Variants in MRAP2 observed in about 807,000 individuals in gnomAD.
MRAP2 encodes the protein melanocortin-2 receptor accessory protein 2.
In MRAP2, 20 loss-of-function variants were observed where a neutral mutation model predicts 17.4. That is an observed-to-expected ratio of 1.15 (90% confidence interval 0.81 to 1.67). The LOEUF is 1.67. Ranked by LOEUF, MRAP2 falls within the 40% of genes most tolerant of loss-of-function variation. The probability of loss-of-function intolerance (pLI) is 0.00; values close to 1 mark genes in which losing one functional copy is unlikely to be tolerated. For synonymous variants in MRAP2, 96 were observed against 88.4 expected, an observed-to-expected ratio of 1.09 and a Z score of -0.48; for missense variants, 238 against 240.0, an observed-to-expected ratio of 0.99 and a Z score of 0.05.
At chr6:84,087,879 TCC>T (rs535662142) in intron 3 of MRAP2, among the ~76,000 whole-genome samples, 286 of 152,334 alleles carry the variant, frequency 1.9e-3, no homozygotes, top group Non-Finnish European at 3.2e-3. Context: ...ATATTAAAAT[TCC>T]TTCAGCTAGC....
intron 3 of MRAP2, among the ~76,000 whole-genome samples, chr6:84,073,312 C>T (rs1317971864): frequency 1.3e-5 from 2 of 152,290 alleles, no homozygotes; most frequent in East Asian, 1.9e-4. Flanking sequence ...TGACTCAGCT[C>T]CAGGTATGGT....
chr6:84,081,042 T>C (rs2099498831), intron 3 of MRAP2, among the ~76,000 whole-genome samples: 1 of 152,062 alleles, frequency 6.6e-6, no homozygotes, highest in Non-Finnish European at 1.5e-5. Flanking sequence ...ATCCCATGGG[T>C]GGGTTGAATT....
upstream of MRAP2, chr6:84,033,622 C>A: frequency 1.1e-6 from 1 of 938,092 alleles, no homozygotes; most frequent in Non-Finnish European, 1.3e-6. Context: ...GCAAAGCTCA[C>A]CTCCTCTTGG....
chr6:84,085,172 A>G (rs1397609999), intron 3 of MRAP2, among the ~76,000 whole-genome samples: 1 of 151,486 alleles, frequency 6.6e-6, no homozygotes, highest in Non-Finnish European at 1.5e-5. Context: ...CTCCTGCCTC[A>G]GCCTCCCAAG....
downstream of MRAP2, among the ~76,000 whole-genome samples, chr6:84,094,200 C>T (rs2099502275): frequency 6.6e-6 from 1 of 152,096 alleles, no homozygotes; most frequent in Admixed American, 6.6e-5. Flanking sequence ...TCAGAGAGCC[C>T]CCCGTGTGAT....
chr6:84,039,427 A>G (rs1404489687), intron 1 of MRAP2, among the ~76,000 whole-genome samples: 1 of 152,204 alleles, frequency 6.6e-6, no homozygotes, highest in Non-Finnish European at 1.5e-5. Flanking sequence ...TGACTGGAGT[A>G]TGAGAAGTGC....
rs2099488656 is a variant in MRAP2 at position 84,045,190 on chromosome 6, G to A, written c.-7-10122G>A. The stretch of plus-strand genomic sequence containing the variant: ...GGAACCAAGCCCCCACAGATGCTAA[G>A]GAATGACTTTATATATATACACAAT... On this transcript the variant is annotated intron_variant, in intron 1 of 3. Coordinates refer to ENST00000257776, the MANE Select transcript of MRAP2 (RefSeq NM_138409.4). 4 of 985,118 alleles carry A rather than the reference G, an allele frequency of 4.1e-6. No individual in the cohort carries two copies. In the South Asian group the frequency reaches 1.9e-4, roughly 46 times the overall value. The allele number at this position is 985,118 out of a possible 1,614,324, so 61.0% of individuals were successfully genotyped here.
At chr6:84,041,366 C>T (rs183509381) in intron 1 of MRAP2, among the ~76,000 whole-genome samples, 39 of 152,312 alleles carry the variant, frequency 2.6e-4, no homozygotes, top group Admixed American at 3.9e-4. Context: ...GTTAGGGCAA[C>T]GCAGAAAGGG....
chr6:84,036,675 G>A (rs772796918), intron 1 of MRAP2, among the ~76,000 whole-genome samples: 20 of 152,204 alleles, frequency 1.3e-4, no homozygotes, highest in East Asian at 3.9e-4. Flanking sequence ...GGACCTGAGC[G>A]CCTTACCACT....
the MRAP2 span, among the ~76,000 whole-genome samples, chr6:84,142,104 T>C: frequency 2.0e-5 from 3 of 152,162 alleles, no homozygotes; most frequent in African/African-American, 7.2e-5. Context: ...AGTTTGTTTT[T>C]GTTTTTTTAA....
chr6:84,052,142 T>A (rs574037655), intron 1 of MRAP2, among the ~76,000 whole-genome samples: 1 of 152,204 alleles, frequency 6.6e-6, no homozygotes, highest in South Asian at 2.1e-4. Flanking sequence ...TTCATGACTC[T>A]AATTTTATGA....
the MRAP2 span, among the ~76,000 whole-genome samples, chr6:84,142,043 C>T: frequency 6.6e-6 from 1 of 152,090 alleles, no homozygotes; most frequent in Non-Finnish European, 1.5e-5. Flanking sequence ...ACTAAAACAA[C>T]CCCCACATAC....
the MRAP2 span, among the ~76,000 whole-genome samples, chr6:84,139,049 C>T: frequency 6.6e-6 from 1 of 152,126 alleles, no homozygotes; most frequent in East Asian, 1.9e-4. Flanking sequence ...CATCAAAGAA[C>T]GGGATGTGCA....
intron 3 of MRAP2, among the ~76,000 whole-genome samples, chr6:84,083,814 T>G (rs1402437256): frequency 6.6e-6 from 1 of 152,200 alleles, no homozygotes; most frequent in Non-Finnish European, 1.5e-5. Context: ...AAAAATATTA[T>G]ACACACACAA....
the MRAP2 span, among the ~76,000 whole-genome samples, chr6:84,127,530 T>C: frequency 6.6e-6 from 1 of 152,068 alleles, no homozygotes; most frequent in Non-Finnish European, 1.5e-5. Flanking sequence ...GTGATGAGTG[T>C]TGGTTGGGCA....
the MRAP2 span, among the ~76,000 whole-genome samples, chr6:84,118,639 A>T: frequency 6.6e-6 from 1 of 152,098 alleles, no homozygotes; most frequent in African/African-American, 2.4e-5. Flanking sequence ...GTGGCAGCCC[A>T]CCCCTTCCCC....
At chr6:84,037,093 G>T (rs767322368) in intron 1 of MRAP2, among the ~76,000 whole-genome samples, 1 of 151,960 alleles carries the variant, frequency 6.6e-6, no homozygotes, top group Non-Finnish European at 1.5e-5. Flanking sequence ...AGACATAAAA[G>T]TTCTCTAAGT....
the MRAP2 span, chr6:84,125,315 T>C: frequency 1.3e-6 from 2 of 1,550,354 alleles, no homozygotes; most frequent in South Asian, 1.1e-5. Context: ...TTATAGTTCA[T>C]AGTGGTGGGT....
chr6:84,079,989 G>A (rs185075824), intron 3 of MRAP2, among the ~76,000 whole-genome samples: 41 of 151,278 alleles, frequency 2.7e-4, no homozygotes, highest in East Asian at 3.9e-4. Context: ...GAGGACCCTC[G>A]TTTCATAACC....
Sources: allele counts gnomAD v4.1 joint callset (sites outside exome capture counted in the v4.1 genomes callset), GRCh38; gene constraint gnomAD v4.1.1; transcripts MANE v1.5; gene names NCBI Gene and HGNC (gene_info 2026-07-23, HGNC 2026-07-21).